Variants in SLC9A9 observed in about 807,000 individuals in gnomAD.
SLC9A9 encodes the protein sodium/hydrogen exchanger 9.
SLC9A9 carries 62 observed loss-of-function variants against 77.8 expected under a neutral mutation model. The ratio of observed to expected loss-of-function variants is 0.80; its 90% CI spans 0.65 to 0.98. The LOEUF (loss-of-function observed/expected upper bound fraction) is 0.98, where lower values mean the gene tolerates loss of function less well. Among genes scored for constraint, SLC9A9 ranks in the 50% least tolerant of loss-of-function variants. The pLI is 0.00. For synonymous variants in SLC9A9, 320 were observed against 283.5 expected (o/e 1.13, Z -1.29); for missense variants, 775 against 774.9 (o/e 1.00, Z 0.00).
At position 143,620,867 on chromosome 3, in the gene SLC9A9, C is replaced by T. The variant is rs187431200; in HGVS notation, c.755+31388G>A. Among the ~76,000 whole-genome samples the T allele has an allele frequency of 1.9e-3, 290 of 152,242 alleles. 1 individual carries two copies. Among genetic ancestry groups the T allele is most frequent in the African/African-American group, 6.2e-3 (256 of 41,542 alleles). ...GGGTCAGGGAATTCCCTTTCCTAGT[C>T]GAAGAAAGGGGTGACAGACGGCACC... On this transcript the variant is annotated intron_variant, in intron 6 of 15. Coordinates refer to ENST00000316549, the MANE Select transcript of SLC9A9 (RefSeq NM_173653.4).
chr3:143,447,092 T>C (rs2034860183), intron 12 of SLC9A9, among the ~76,000 whole-genome samples: 2 of 152,216 alleles, frequency 1.3e-5, no homozygotes, highest in African/African-American at 4.8e-5. Context: ...AAGCCTCATC[T>C]ATTGCAAATA....
At chr3:143,835,139 A>G (rs2009536718) in intron 1 of SLC9A9, among the ~76,000 whole-genome samples, 1 of 152,124 alleles carries the variant, frequency 6.6e-6, no homozygotes, top group African/African-American at 2.4e-5. Flanking sequence ...CTCTCTCTTC[A>G]CAGGATCAGG....
intron 4 of SLC9A9, among the ~76,000 whole-genome samples, chr3:143,792,374 G>A (rs563402920): frequency 2.6e-5 from 4 of 152,286 alleles, no homozygotes; most frequent in East Asian, 3.9e-4. Context: ...AAGACTGGCA[G>A]CATAAAAGTA....
chr3:143,386,491 A>G lies in SLC9A9; in HGVS notation c.1470-4377T>C, dbSNP rs529072483. Among the ~76,000 whole-genome samples the G allele has an allele frequency of 2.0e-5, 3 of 152,346 alleles. No homozygotes were observed. The East Asian group carries it at 5.8e-4, about 29-fold the overall frequency. Reference sequence around the variant, plus strand: ...CTGTCTCCATCTTGGTTTCCTCACCAATACAATGGGGATAATTAGAGAACT... The same window carrying G: ...CTGTCTCCATCTTGGTTTCCTCACCGATACAATGGGGATAATTAGAGAACT... On this transcript the variant is annotated intron_variant, in intron 12 of 15. Coordinates refer to ENST00000316549, the MANE Select transcript of SLC9A9 (RefSeq NM_173653.4).
chr3:143,747,343 G>T (rs1401576188), intron 4 of SLC9A9, among the ~76,000 whole-genome samples: 2 of 150,096 alleles, frequency 1.3e-5, no homozygotes. Context: ...GGTGGGGGTT[G>T]CAGTGAGCTG....
intron 4 of SLC9A9, among the ~76,000 whole-genome samples, chr3:143,704,582 C>A (rs1348285348): frequency 6.6e-6 from 1 of 152,092 alleles, no homozygotes; most frequent in Non-Finnish European, 1.5e-5. Flanking sequence ...GGAATATATA[C>A]AAATGAAAGA....
chr3:143,382,058 G>A lies in SLC9A9; in HGVS notation c.1524+2C>T. On this transcript the variant is annotated splice_donor_variant, in intron 13 of 15. Transcript: ENST00000316549. LOFTEE classifies it low-confidence loss of function (GC_TO_GT_DONOR). ...TAATGTGCATTGGTTTCTTTGACTTGCCTGGTGTTGTGAGGAGGGGTCCTC... is the reference window on the plus strand; with the variant it reads ...TAATGTGCATTGGTTTCTTTGACTTACCTGGTGTTGTGAGGAGGGGTCCTC... The A allele has an allele frequency of 1.2e-6, 2 of 1,614,050 alleles. No individual in the cohort carries two copies. Among genetic ancestry groups the A allele is most frequent in the Non-Finnish European group, 8.5e-7 (1 of 1,179,952 alleles).
At chr3:143,415,030 G>C (rs1446437267) in intron 12 of SLC9A9, among the ~76,000 whole-genome samples, 1 of 152,204 alleles carries the variant, frequency 6.6e-6, no homozygotes, top group Non-Finnish European at 1.5e-5. Flanking sequence ...CATCTGGATA[G>C]AAGATGAAAA....
chr3:143,267,315 C>CA, intron 15 of SLC9A9, among the ~76,000 whole-genome samples: 1 of 145,114 alleles, frequency 6.9e-6, no homozygotes, highest in African/African-American at 2.6e-5. Context: ...TCCTGCCTAT[C>CA]AAAAAATCCT....
chr3:143,731,493 C>T (rs1934802291), intron 4 of SLC9A9, among the ~76,000 whole-genome samples: 1 of 152,212 alleles, frequency 6.6e-6, no homozygotes, highest in Non-Finnish European at 1.5e-5. Flanking sequence ...CACAGCTGCT[C>T]TCACCATCTT....
At chr3:143,461,458 G>T (rs2035190454) in intron 12 of SLC9A9, among the ~76,000 whole-genome samples, 1 of 152,112 alleles carries the variant, frequency 6.6e-6, no homozygotes, top group Non-Finnish European at 1.5e-5. Context: ...AAGGCTCATA[G>T]GTATCCTCTG....
chr3:143,318,336 T>TAACACA (rs2031299669), intron 14 of SLC9A9, among the ~76,000 whole-genome samples: 1 of 152,204 alleles, frequency 6.6e-6, no homozygotes, highest in African/African-American at 2.4e-5. Flanking sequence ...ATCTTTAAAA[T>TAACACA]AAAATAGATA....
At chr3:143,618,879 A>G (rs965833417) in intron 6 of SLC9A9, among the ~76,000 whole-genome samples, 2 of 152,238 alleles carry the variant, frequency 1.3e-5, no homozygotes, top group African/African-American at 4.8e-5. Flanking sequence ...TGAAAGACTC[A>G]GAGGGTTTAG....
intron 4 of SLC9A9, among the ~76,000 whole-genome samples, chr3:143,772,244 T>C (rs2007549200): frequency 6.6e-6 from 1 of 152,002 alleles, no homozygotes; most frequent in South Asian, 2.1e-4. Context: ...CGTACCCAAC[T>C]AACAACCAAG....
intron 14 of SLC9A9, among the ~76,000 whole-genome samples, chr3:143,356,428 T>C (rs1376802564): frequency 6.6e-6 from 1 of 152,188 alleles, no homozygotes; most frequent in African/African-American, 2.4e-5. Context: ...AACAAAAGAC[T>C]GCACATGTTT....
intron 5 of SLC9A9, among the ~76,000 whole-genome samples, chr3:143,678,106 A>T (rs9822206): frequency 2.0e-5 from 3 of 152,098 alleles, no homozygotes; most frequent in African/African-American, 7.2e-5. Context: ...GATTACAGGC[A>T]TGAGCCACCG....
At chr3:143,587,614 T>C (rs1312615026) in intron 6 of SLC9A9, among the ~76,000 whole-genome samples, 1 of 134,636 alleles carries the variant, frequency 7.4e-6, no homozygotes, top group Non-Finnish European at 1.6e-5. Context: ...TATAGAGCCT[T>C]TCGGGACATT....
At chr3:143,290,681 T>A (rs551497059) in intron 14 of SLC9A9, among the ~76,000 whole-genome samples, 1 of 152,352 alleles carries the variant, frequency 6.6e-6, no homozygotes, top group African/African-American at 2.4e-5. Flanking sequence ...TCCCAAAGTG[T>A]GTTCCATGGC....
intron 12 of SLC9A9, among the ~76,000 whole-genome samples, chr3:143,395,053 C>T (rs538194638): frequency 2.6e-5 from 4 of 152,230 alleles, no homozygotes; most frequent in South Asian, 2.1e-4. Flanking sequence ...AATGCCATCC[C>T]CATCAAGCTA....
Sources: gnomAD v4.1 joint callset for allele counts (sites outside exome capture counted in the v4.1 genomes callset) on GRCh38, gnomAD v4.1.1 for gene constraint, MANE v1.5 for transcripts, NCBI Gene and HGNC (gene_info 2026-07-23, HGNC 2026-07-21) for gene names.